The following PPARGC1A variants were observed in gnomAD, a reference collection of about 807,000 sequenced individuals.
PPARGC1A encodes peroxisome proliferator-activated receptor gamma coactivator 1-alpha.
PPARGC1A carries 25 observed loss-of-function variants against 88.7 expected under a neutral mutation model. That is an observed-to-expected ratio of 0.28 (90% CI 0.21 to 0.39). PPARGC1A has a LOEUF of 0.39. Among genes scored for constraint, PPARGC1A ranks in the 10% least tolerant of loss-of-function variants. PPARGC1A has a pLI of 1.00. For synonymous variants in PPARGC1A, 363 were observed against 355.6 expected (o/e 1.02, Z -0.24); for missense variants, 880 against 968.7 (o/e 0.91, Z 1.22).
the PPARGC1A span, among the ~76,000 whole-genome samples, chr4:24,208,738 A>T: frequency 2.7e-5 from 4 of 150,160 alleles, no homozygotes; most frequent in African/African-American, 9.7e-5. Flanking sequence ...AATACGTATA[A>T]TTCATCCAGT....
the PPARGC1A span, among the ~76,000 whole-genome samples, chr4:24,260,511 C>G: frequency 6.6e-6 from 1 of 152,178 alleles, no homozygotes; most frequent in African/African-American, 2.4e-5. Context: ...TTAACATTCA[C>G]GAGTAACAGA....
the PPARGC1A span, among the ~76,000 whole-genome samples, chr4:24,193,313 A>G: frequency 6.6e-6 from 1 of 152,196 alleles, no homozygotes; most frequent in South Asian, 2.1e-4. Flanking sequence ...GATCTCTACC[A>G]CAGTAACATG....
chr4:24,301,734 T>C, the PPARGC1A span, among the ~76,000 whole-genome samples: 1 of 152,154 alleles, frequency 6.6e-6, no homozygotes, highest in Admixed American at 6.5e-5. Context: ...TCTACATTTA[T>C]GGGGTAGAAT....
chr4:23,989,268 T>G, the PPARGC1A span, among the ~76,000 whole-genome samples: 1 of 152,116 alleles, frequency 6.6e-6, no homozygotes, highest in South Asian at 2.1e-4. Context: ...GTCACGTCAA[T>G]AATTAATGGT....
chr4:23,874,584 G>A (rs1714305012), intron 2 of PPARGC1A, among the ~76,000 whole-genome samples: 1 of 151,948 alleles, frequency 6.6e-6, no homozygotes, highest in African/African-American at 2.4e-5. Flanking sequence ...ATATGAGAGA[G>A]TGTATATGCA....
the PPARGC1A span, among the ~76,000 whole-genome samples, chr4:24,010,588 A>G: frequency 6.6e-6 from 1 of 152,210 alleles, no homozygotes; most frequent in East Asian, 1.9e-4. Context: ...AATGTGTGAC[A>G]TGTCAGAAAG....
the PPARGC1A span, among the ~76,000 whole-genome samples, chr4:24,390,689 T>C: frequency 6.6e-6 from 1 of 152,072 alleles, no homozygotes; most frequent in East Asian, 1.9e-4. Flanking sequence ...TTATATTCAA[T>C]ATTATATCGG....
At chr4:24,279,391 G>A in the PPARGC1A span, among the ~76,000 whole-genome samples, 1 of 152,122 alleles carries the variant, frequency 6.6e-6, no homozygotes, top group Admixed American at 6.5e-5. Context: ...TCCCAATCTT[G>A]GGTCACATGT....
chr4:24,036,794 A>C, the PPARGC1A span, among the ~76,000 whole-genome samples: 1 of 152,218 alleles, frequency 6.6e-6, no homozygotes, highest in Admixed American at 6.5e-5. Context: ...TATTATGTAC[A>C]CATGCAAATA....
the PPARGC1A span, among the ~76,000 whole-genome samples, chr4:24,077,886 A>G: frequency 6.6e-6 from 1 of 151,448 alleles, no homozygotes; most frequent in African/African-American, 2.4e-5. Flanking sequence ...TTTCATTCCC[A>G]TTCTTCTCAG....
At chr4:23,844,680 ATATCATATAATATATGATC>A (rs1168316708) in intron 2 of PPARGC1A, among the ~76,000 whole-genome samples, 1 of 103,244 alleles carries the variant, frequency 9.7e-6, no homozygotes, top group East Asian at 2.6e-4. Context: ...ATAATAATAT[ATATCATATAATATATGATC>A]TATCATAATA....
chr4:23,958,076 T>TA, the PPARGC1A span, among the ~76,000 whole-genome samples: 6 of 152,114 alleles, frequency 3.9e-5, no homozygotes, highest in African/African-American at 1.4e-4. Context: ...AAGCTTCCCA[T>TA]AGTTTAAGAA....
the PPARGC1A span, among the ~76,000 whole-genome samples, chr4:24,153,825 A>G: frequency 2.6e-5 from 4 of 152,142 alleles, no homozygotes; most frequent in African/African-American, 9.7e-5. Flanking sequence ...ACAACACCAA[A>G]TTGTTACCGA....
chr4:24,415,990 G>A, the PPARGC1A span, among the ~76,000 whole-genome samples: 8 of 152,122 alleles, frequency 5.3e-5, no homozygotes, highest in Non-Finnish European at 8.8e-5. Context: ...GTTTTGTACT[G>A]CCAGCAAGGG....
the PPARGC1A span, among the ~76,000 whole-genome samples, chr4:24,201,476 C>A: frequency 6.6e-6 from 1 of 152,196 alleles, no homozygotes; most frequent in Non-Finnish European, 1.5e-5. Flanking sequence ...TGCGGCTACT[C>A]CCCAGGCCCA....
chr4:23,993,705 A>G, the PPARGC1A span, among the ~76,000 whole-genome samples: 1 of 152,154 alleles, frequency 6.6e-6, no homozygotes, highest in East Asian at 1.9e-4. Flanking sequence ...TCCAAGTCCA[A>G]GCTATTGACA....
At chr4:24,182,915 G>A in the PPARGC1A span, among the ~76,000 whole-genome samples, 2 of 152,126 alleles carry the variant, frequency 1.3e-5, no homozygotes, top group African/African-American at 4.8e-5. Context: ...TGCGTGCCAG[G>A]AATAACATGA....
chr4:24,287,680 G>GGAT, the PPARGC1A span, among the ~76,000 whole-genome samples: 7 of 143,138 alleles, frequency 4.9e-5, no homozygotes, highest in African/African-American at 1.8e-4. Context: ...GCACTCATCT[G>GGAT]GTGCACTTTC....
chr4:24,183,003 G>A, the PPARGC1A span, among the ~76,000 whole-genome samples: 7 of 152,126 alleles, frequency 4.6e-5, no homozygotes, highest in African/African-American at 1.7e-4. Flanking sequence ...AACACGCAAA[G>A]GAATAACATA....
Sources: gnomAD v4.1 joint callset for allele counts (sites outside exome capture counted in the v4.1 genomes callset) on GRCh38, gnomAD v4.1.1 for gene constraint, MANE v1.5 for transcripts, NCBI Gene and HGNC (gene_info 2026-07-23, HGNC 2026-07-21) for gene names.